CAMK1D: variants seen among roughly 807,000 people sequenced by gnomAD.
The protein encoded by CAMK1D is calcium/calmodulin-dependent protein kinase type 1D.
Under a neutral mutation model 47.7 loss-of-function variants are expected in CAMK1D, and 9 were observed. The observed-to-expected ratio is 0.19, with a 90% CI of 0.11 to 0.33. CAMK1D has a LOEUF of 0.33. Ranked by LOEUF, CAMK1D falls within the 10% of genes least tolerant of loss-of-function variation. The probability of loss-of-function intolerance (pLI) is 1.00; values close to 1 mark genes in which losing one functional copy is unlikely to be tolerated. For synonymous variants in CAMK1D, 184 were observed against 184.9 expected, an observed-to-expected ratio of 0.99 and a Z score of 0.04; for missense variants, 291 against 488.7, an observed-to-expected ratio of 0.60 and a Z score of 3.81.
chr10:12,803,628 C>T (rs1838580455), intron 6 of CAMK1D, among the ~76,000 whole-genome samples: 1 of 152,108 alleles, frequency 6.6e-6, no homozygotes, highest in Admixed American at 6.5e-5. Context: ...GCACTCCAGC[C>T]TGGGTAACAG....
chr10:12,814,400 G>T (rs993080725), intron 7 of CAMK1D, 93 bp downstream of exon 7: 2 of 742,824 alleles, frequency 2.7e-6, no homozygotes, highest in Admixed American at 2.1e-5. Flanking sequence ...ACCCTGGGGG[G>T]CTCAGAACAG....
At chr10:12,737,909 A>G (rs1050349265) in intron 3 of CAMK1D, among the ~76,000 whole-genome samples, 3 of 152,238 alleles carry the variant, frequency 2.0e-5, no homozygotes, top group Admixed American at 6.5e-5. Flanking sequence ...TAAATTCTAG[A>G]TGGATTAAAG....
chr10:12,381,864 A>G (rs540844503), intron 1 of CAMK1D, among the ~76,000 whole-genome samples: 2 of 152,264 alleles, frequency 1.3e-5, no homozygotes, highest in South Asian at 2.1e-4. Context: ...ATGAGTTTTC[A>G]TAGCAGAGAC....
At chr10:12,729,870 A>G (rs1358454653) in intron 3 of CAMK1D, among the ~76,000 whole-genome samples, 1 of 152,050 alleles carries the variant, frequency 6.6e-6, no homozygotes, top group Non-Finnish European at 1.5e-5. Flanking sequence ...TGGTGCAGCT[A>G]ATGCTGGTGA....
At chr10:12,770,894 A>C (rs934119066) in intron 5 of CAMK1D, among the ~76,000 whole-genome samples, 1 of 150,558 alleles carries the variant, frequency 6.6e-6, no homozygotes, top group Non-Finnish European at 1.5e-5. Flanking sequence ...AGTTATGGAA[A>C]ATGAAGTCTG....
Position 12,378,480 on chromosome 10 carries a change from T to C in CAMK1D, c.92+28570T>C, listed in dbSNP as rs1838248110. ...ATTGCCCAGACTAGTCTTGAACTCC[T>C]GGCCTTGGCTTCCCAAGGTGTTGGG... On this transcript the variant is annotated intron_variant, in intron 1 of 10. Coordinates refer to ENST00000619168, the MANE Select transcript of CAMK1D (RefSeq NM_153498.4). Among the ~76,000 whole-genome samples the C allele has an allele frequency of 3.3e-5, 5 of 151,664 alleles. No individual in the cohort carries two copies. In the South Asian group the frequency reaches 1.0e-3, roughly 32 times the overall value.
Position 12,734,206 on chromosome 10 carries a change from C to T in CAMK1D, c.300-26742C>T, listed in dbSNP as rs554285253. 2.0e-5 allele frequency among the ~76,000 whole-genome samples: 3 copies of T among 149,226 alleles called. No homozygotes were observed. In the East Asian group the frequency reaches 5.9e-4, roughly 29 times the overall value. On this transcript the variant is annotated intron_variant, in intron 3 of 10. Transcript: ENST00000619168. ...GTAGCCTGGTGCATGCCTGTAGTCC[C>T]AGCTACTCAAAAGGCTGAAACAGGA...
intron 1 of CAMK1D, among the ~76,000 whole-genome samples, chr10:12,352,073 G>A (rs1837369266): frequency 6.6e-6 from 1 of 152,130 alleles, no homozygotes; most frequent in South Asian, 2.1e-4. Flanking sequence ...ACCTTATGAG[G>A]TAGGTATTTA....
At chr10:12,504,125 GTGTC>G (rs1452910716) in intron 1 of CAMK1D, among the ~76,000 whole-genome samples, 15 of 140,640 alleles carry the variant, frequency 1.1e-4, no homozygotes, top group African/African-American at 2.8e-4. Flanking sequence ...GTGTGTGTGT[GTGTC>G]TGTGTGTGTG....
At chr10:12,694,208 G>GTATAATATATATTATATATTATA (rs1833117186) in intron 3 of CAMK1D, among the ~76,000 whole-genome samples, 4 of 18,164 alleles carry the variant, frequency 2.2e-4, no homozygotes, top group Non-Finnish European at 2.6e-4. Flanking sequence ...TATATATTAT[G>GTATAATATATATTATATATTATA]TATAATATAA....
chr10:12,648,374 G>A (rs1214396751), intron 2 of CAMK1D, among the ~76,000 whole-genome samples: 1 of 152,190 alleles, frequency 6.6e-6, no homozygotes, highest in East Asian at 1.9e-4. Flanking sequence ...GCTGGTAATG[G>A]TTATGTTTTC....
At chr10:12,757,846 C>T (rs1195552343) in intron 3 of CAMK1D, among the ~76,000 whole-genome samples, 2 of 146,672 alleles carry the variant, frequency 1.4e-5, no homozygotes, top group East Asian at 4.1e-4. Context: ...GCATGGGGGC[C>T]CTGCTCTTTT....
chr10:12,517,907 G>A lies in CAMK1D; in HGVS notation c.93-35318G>A, dbSNP rs535208113. Among the ~76,000 whole-genome samples, 23 of 152,250 alleles carry A rather than the reference G, an allele frequency of 1.5e-4. No homozygotes were observed. In the South Asian group the frequency reaches 4.6e-3, roughly 30 times the overall value. ...CAAAGGAATCCTTGACTTACAAAAT[G>A]AGTTGCAAAGTATTTCCTTCTCTTC... On this transcript the variant is annotated intron_variant, in intron 1 of 10. Transcript: ENST00000619168.
At chr10:12,468,397 G>A (rs1833653246) in intron 1 of CAMK1D, among the ~76,000 whole-genome samples, 1 of 152,206 alleles carries the variant, frequency 6.6e-6, no homozygotes, top group Non-Finnish European at 1.5e-5. Flanking sequence ...TTAAAGTGGT[G>A]AAGTATGATT....
At chr10:12,620,696 A>G (rs1011954182) in intron 2 of CAMK1D, among the ~76,000 whole-genome samples, 8 of 152,140 alleles carry the variant, frequency 5.3e-5, no homozygotes, top group African/African-American at 1.9e-4. Context: ...GTGGTTTGCA[A>G]ATATTTTCTT....
chr10:12,577,504 A>C (rs972680915), intron 2 of CAMK1D, among the ~76,000 whole-genome samples: 1 of 152,194 alleles, frequency 6.6e-6, no homozygotes, highest in African/African-American at 2.4e-5. Flanking sequence ...CCATATAATA[A>C]ATGTAAAGAG....
rs1055029143 is a variant in CAMK1D, at chr10:12,366,625, C to T, written c.92+16715C>T. ...AGTGAGCTGAGATTGCGTGACTGCA[C>T]TCCAGCCTGGGTGACACAGCGAGAC... On this transcript the variant is annotated intron_variant, in intron 1 of 10. Coordinates refer to ENST00000619168, the MANE Select transcript of CAMK1D (RefSeq NM_153498.4). Among the ~76,000 whole-genome samples, 5 of 151,940 alleles carry T rather than the reference C, an allele frequency of 3.3e-5. No homozygotes were observed. The East Asian group carries it at 9.6e-4, about 29-fold the overall frequency.
intron 1 of CAMK1D, among the ~76,000 whole-genome samples, chr10:12,361,390 G>A (rs777894461): frequency 1.3e-4 from 19 of 151,552 alleles, no homozygotes; most frequent in Non-Finnish European, 2.2e-4. Flanking sequence ...GAGATAACAG[G>A]CATGCACCAC....
At chr10:12,394,263 G>C (rs1020418871) in intron 1 of CAMK1D, among the ~76,000 whole-genome samples, 2 of 152,184 alleles carry the variant, frequency 1.3e-5, no homozygotes, top group Middle Eastern at 3.4e-3. Flanking sequence ...CGTCCTCTCC[G>C]GGTGCCCCAC....
Sources: gnomAD v4.1 joint callset for allele counts (sites outside exome capture counted in the v4.1 genomes callset) on GRCh38, gnomAD v4.1.1 for gene constraint, MANE v1.5 for transcripts, NCBI Gene and HGNC (gene_info 2026-07-23, HGNC 2026-07-21) for gene names.